ABCC4: variants seen among roughly 807,000 people sequenced by gnomAD.
ABCC4 encodes ATP binding cassette subfamily C member 4 (PEL blood group).
In ABCC4, 102 loss-of-function variants were observed where a neutral mutation model predicts 168.5. The observed-to-expected ratio is 0.61, with a 90% confidence interval of 0.52 to 0.71. ABCC4 has a LOEUF of 0.71. ABCC4 is among the 30% of genes least tolerant of loss of function. ABCC4 has a pLI of 0.00. For missense variants in ABCC4, 1,402 were observed against 1,605.8 expected, an observed-to-expected ratio of 0.87 and a Z score of 2.17; for synonymous variants, 617 against 590.7, an observed-to-expected ratio of 1.04 and a Z score of -0.65.
At chr13:95,093,980 A>G (rs1426650325) in intron 20 of ABCC4, among the ~76,000 whole-genome samples, 6 of 152,196 alleles carry the variant, frequency 3.9e-5, no homozygotes, top group African/African-American at 1.4e-4. Context: ...CAAGGAATCA[A>G]AAGACCTCTA....
intron 19 of ABCC4, among the ~76,000 whole-genome samples, chr13:95,140,637 C>T (rs2036289822): frequency 6.6e-6 from 1 of 151,920 alleles, no homozygotes; most frequent in South Asian, 2.1e-4. Flanking sequence ...AAAAAGAAAA[C>T]ATCAGAAATT....
In ABCC4 at chr13:95,222,871, C is replaced by T. The variant is rs558508413; in HGVS notation, c.531+11739G>A. Among the ~76,000 whole-genome samples, 17 of 152,204 alleles carry T rather than the reference C, an allele frequency of 1.1e-4. No homozygotes were observed. The South Asian group carries it at 3.1e-3, about 28-fold the overall frequency. On this transcript the variant is annotated intron_variant, in intron 4 of 30. Coordinates refer to ENST00000645237, the MANE Select transcript of ABCC4 (RefSeq NM_005845.5). ...GTTGTTACAACTAGAGGGACGCTTT[C>T]GGTATCTAGTGGGCAGAGGCCACAG...
At chr13:95,175,912 T>G (rs1028036918) in intron 13 of ABCC4, among the ~76,000 whole-genome samples, 1 of 152,074 alleles carries the variant, frequency 6.6e-6, no homozygotes, top group African/African-American at 2.4e-5. Flanking sequence ...CTTCCAGAGC[T>G]TTCTCTCACG....
intron 1 of ABCC4, among the ~76,000 whole-genome samples, chr13:95,271,978 G>A (rs1379613176): frequency 6.6e-6 from 1 of 152,038 alleles, no homozygotes; most frequent in African/African-American, 2.4e-5. Context: ...AAGAGGTGCA[G>A]GCTGATTAAT....
chr13:95,296,135 AACACAC>A (rs753316849), intron 1 of ABCC4, among the ~76,000 whole-genome samples: 2,746 of 98,896 alleles, frequency 0.028, 41 homozygotes, highest in African/African-American at 0.031. Context: ...CCTGTCTCAA[AACACAC>A]ACACACACAC....
intron 3 of ABCC4, among the ~76,000 whole-genome samples, chr13:95,238,213 A>AAG (rs1555335365): frequency 4.7e-5 from 7 of 149,864 alleles, no homozygotes; most frequent in Admixed American, 6.7e-5. Context: ...AAAAAAAAAA[A>AAG]AAAGAAATGG....
At chr13:95,039,492 T>G (rs1411927829) in intron 29 of ABCC4, among the ~76,000 whole-genome samples, 3 of 152,212 alleles carry the variant, frequency 2.0e-5, no homozygotes, top group African/African-American at 7.2e-5. Context: ...ATCTCCTGCT[T>G]GGTCCTCACC....
intron 8 of ABCC4, among the ~76,000 whole-genome samples, chr13:95,201,597 A>G (rs9590198): frequency 0.32 from 48,121 of 152,062 alleles, 7,718 homozygotes; most frequent in Admixed American, 0.36. Context: ...AAAGAAATCT[A>G]TAAACAAATG....
intron 1 of ABCC4, among the ~76,000 whole-genome samples, chr13:95,281,119 T>C (rs543406975): frequency 1.3e-5 from 2 of 151,692 alleles, no homozygotes; most frequent in African/African-American, 4.8e-5. Context: ...CCAGGCACTG[T>C]GGCAACATGG....
chr13:95,288,425 G>T (rs951610222), intron 1 of ABCC4, among the ~76,000 whole-genome samples: 1 of 152,168 alleles, frequency 6.6e-6, no homozygotes. Flanking sequence ...TGCCTTAATA[G>T]AGCTAACAAT....
chr13:95,138,076 T>C (rs960214972), intron 19 of ABCC4, among the ~76,000 whole-genome samples: 3 of 152,064 alleles, frequency 2.0e-5, no homozygotes, highest in Non-Finnish European at 2.9e-5. Context: ...GCCCTTAGAG[T>C]ACTAATGAAA....
intron 22 of ABCC4, 65 bp downstream of exon 22, chr13:95,075,367 G>C: frequency 6.2e-7 from 1 of 1,605,980 alleles, no homozygotes; most frequent in Non-Finnish European, 8.5e-7. Context: ...CATCTGACCA[G>C]GGAGGTTAAG....
intron 3 of ABCC4, among the ~76,000 whole-genome samples, chr13:95,245,806 G>A (rs2040088633): frequency 6.6e-6 from 1 of 151,738 alleles, no homozygotes; most frequent in Non-Finnish European, 1.5e-5. Context: ...GCCTCCCACT[G>A]CCCACCGTGC....
At chr13:95,120,715 C>CT (rs2035541124) in intron 19 of ABCC4, among the ~76,000 whole-genome samples, 1 of 152,116 alleles carries the variant, frequency 6.6e-6, no homozygotes, top group Non-Finnish European at 1.5e-5. Flanking sequence ...GGGGGAACCA[C>CT]TATCTTGAGA....
intron 13 of ABCC4, among the ~76,000 whole-genome samples, chr13:95,172,756 T>A (rs1355966038): frequency 6.7e-6 from 1 of 150,300 alleles, no homozygotes; most frequent in Admixed American, 6.6e-5. Context: ...CATGGAGAGA[T>A]CCCATCTCTA....
chr13:95,213,151 A>G lies in ABCC4; in HGVS notation c.532-2370T>C, dbSNP rs182568888. ...TAAAAAAAAAAAAAGAGGAAGACAC[A>G]GCTGACAAGCAAACTACCAGGCTTC... is the stretch of plus-strand genomic sequence containing the variant. On this transcript the variant is annotated intron_variant, in intron 4 of 30. Transcript: ENST00000645237. Among the ~76,000 whole-genome samples, 646 of 150,904 alleles carry G rather than the reference A, an allele frequency of 4.3e-3. 3 individuals are homozygous for G. Among genetic ancestry groups the G allele is most frequent in the Non-Finnish European group, 6.7e-3 (454 of 67,790 alleles).
chr13:95,226,946 C>G (rs1311535013), intron 4 of ABCC4, among the ~76,000 whole-genome samples: 2 of 152,170 alleles, frequency 1.3e-5, no homozygotes, highest in Admixed American at 6.5e-5. Context: ...ATATTTGAGG[C>G]CTATTAGTAT....
chr13:95,245,791 T>C (rs1305702711), intron 3 of ABCC4, among the ~76,000 whole-genome samples: 1 of 151,986 alleles, frequency 6.6e-6, no homozygotes, highest in Non-Finnish European at 1.5e-5. Flanking sequence ...AGAGCTCACC[T>C]ACCTGCCTCC....
intron 25 of ABCC4, among the ~76,000 whole-genome samples, chr13:95,065,961 A>G (rs570841415): frequency 6.6e-6 from 1 of 152,332 alleles, no homozygotes; most frequent in Admixed American, 6.5e-5. Context: ...AAACTTCCGA[A>G]GTACAGCTCT....
Sources: allele counts gnomAD v4.1 joint callset (sites outside exome capture counted in the v4.1 genomes callset), GRCh38; gene constraint gnomAD v4.1.1; transcripts MANE v1.5; gene names NCBI Gene and HGNC (gene_info 2026-07-23, HGNC 2026-07-21).